MYH9: variants seen among roughly 807,000 people sequenced by gnomAD.
The protein encoded by MYH9 is myosin-9.
A neutral mutation model predicts 241.9 loss-of-function variants in MYH9; 29 were observed. The observed-to-expected ratio is 0.12, with a 90% confidence interval of 0.09 to 0.16. The LOEUF is 0.16. Ranked by LOEUF, MYH9 falls within the 10% of genes least tolerant of loss-of-function variation. The pLI is 1.00. For synonymous variants in MYH9, 1,047 were observed against 1,062.6 expected (o/e 0.99, Z 0.29); for missense variants, 1,803 against 2,595.5 (o/e 0.69, Z 6.63).
rs145241551 is a variant in MYH9, at chr22:36,306,048, C to T, written c.2041G>A (p.Gly681Ser). 2.1e-5 allele frequency: 34 copies of T among 1,613,042 alleles called. No individual in the cohort carries two copies. In the Middle Eastern group the frequency reaches 4.9e-4, roughly 23 times the overall value. The change falls in exon 17 of 41, where the codon GGC becomes AGC. Residue 681 changes from glycine to serine, a missense_variant. Gly to Ser is a moderately conservative substitution (Grantham distance 56). Coordinates refer to ENST00000216181, the MANE Select transcript of MYH9 (RefSeq NM_002473.6). This position sits in a 1 kb window ranked among gnomAD's most constrained non-coding sequence, Gnocchi z 4.1. Reference sequence around the variant, plus strand: ...AGCACGAGATGCGGGTCCAGCTTGCCGGCCTGGAGAAGAAAACACATGCAT... The same window carrying T: ...AGCACGAGATGCGGGTCCAGCTTGCTGGCCTGGAGAAGAAAACACATGCAT... ...CIIPNHEKKAGKLDPHLVLDQ... is the reference protein window; with the variant it reads ...CIIPNHEKKASKLDPHLVLDQ...
At position 36,285,553 on chromosome 22, in the gene MYH9, G is replaced by A; in HGVS notation, c.5274+105C>T. ...TGGACATTTTCCCCTAAGCGCCTGG[G>A]GAGCAGCTGGCACTTGGCCTGTGCT... On this transcript the variant is annotated intron_variant, in intron 37 of 40. Transcript: ENST00000216181. This position sits in a 1 kb window ranked among gnomAD's most constrained non-coding sequence, Gnocchi z 7.0. 5 of 1,554,064 alleles carry A rather than the reference G, an allele frequency of 3.2e-6. No individual in the cohort carries two copies. In the South Asian group the frequency reaches 4.6e-5, roughly 14 times the overall value.
chr22:36,375,034 G>A (rs1351175053), intron 1 of MYH9, among the ~76,000 whole-genome samples: 1 of 152,134 alleles, frequency 6.6e-6, no homozygotes, highest in African/African-American at 2.4e-5. Flanking sequence ...GAGACCATCA[G>A]CTCCCAGAAA....
chr22:36,336,932 C>A (rs1173806097), intron 3 of MYH9, among the ~76,000 whole-genome samples: 1 of 152,214 alleles, frequency 6.6e-6, no homozygotes, highest in Non-Finnish European at 1.5e-5. Context: ...ATTCTGGCAC[C>A]TTCTGTCACC....
intron 38 of MYH9, 29 bp from the exon 39 acceptor site, chr22:36,284,540 GA>G (rs1556629021): frequency 1.2e-6 from 2 of 1,603,862 alleles, no homozygotes; most frequent in African/African-American, 1.3e-5. Flanking sequence ...GGCTCAGAGG[GA>G]ACACCCTCCT....
Position 36,386,729 on chromosome 22 carries a change from G to C in MYH9, c.-20+1078C>G, listed in dbSNP as rs532398322. On this transcript the variant is annotated intron_variant, in intron 1 of 40. Transcript: ENST00000216181. Reference sequence around the variant, plus strand: ...CCCTGCCCCCCACCACAGGACAGCCGGCAAGCTAGTGCTGGGGGTGCTGAG... The same window carrying C: ...CCCTGCCCCCCACCACAGGACAGCCCGCAAGCTAGTGCTGGGGGTGCTGAG... 5.9e-3 allele frequency among the ~76,000 whole-genome samples: 891 copies of C among 152,280 alleles called. 3 individuals carry two copies. The highest frequency in any genetic ancestry group is 0.015 in the South Asian group (72 of 4,816).
In MYH9 at chr22:36,288,135, C is replaced by A. The variant is rs2016619592; in HGVS notation, c.4932+117G>T. On this transcript the variant is annotated intron_variant, in intron 34 of 40. Transcript: ENST00000216181. The surrounding 1 kb of genome is among the most constrained non-coding windows in gnomAD (Gnocchi z 4.8). Reference sequence around the variant, plus strand: ...AGATGGGGCTGGAAGCACCCAGGACCTTCCCAGGAGGTGCCACCCTGCCAG... The same window carrying A: ...AGATGGGGCTGGAAGCACCCAGGACATTCCCAGGAGGTGCCACCCTGCCAG... 7.7e-7 allele frequency: 1 copy of A among 1,297,862 alleles called. No homozygotes were observed. Among genetic ancestry groups the A allele is most frequent in the Non-Finnish European group, 1.1e-6 (1 of 913,040 alleles). 80.4% of individuals were successfully genotyped at this position (1,297,862 alleles called of 1,614,324 possible).
intron 27 of MYH9, 73 bp from the exon 28 acceptor site, chr22:36,294,371 C>T: frequency 6.6e-7 from 1 of 1,507,542 alleles, no homozygotes; most frequent in Non-Finnish European, 9.1e-7. Context: ...CATCACTGGA[C>T]CCTAGATCCA....
At position 36,333,294 on chromosome 22, in the gene MYH9, G is replaced by A. The variant is rs909177710; in HGVS notation, c.491-5806C>T. Among the ~76,000 whole-genome samples, 11 of 152,230 alleles carry A rather than the reference G, an allele frequency of 7.2e-5. 1 individual carries two copies. Among genetic ancestry groups the A allele is most frequent in the Admixed American group, 3.9e-4 (6 of 15,288 alleles). ...TAACAGCGCATGAACACGTTGCCTCGGAGGAGCGGTCGGTAGAAGGAAAGG... is the reference window on the plus strand; with the variant it reads ...TAACAGCGCATGAACACGTTGCCTCAGAGGAGCGGTCGGTAGAAGGAAAGG... On this transcript the variant is annotated intron_variant, in intron 3 of 40. Coordinates refer to ENST00000216181, the MANE Select transcript of MYH9 (RefSeq NM_002473.6).
chr22:36,367,071 G>A (rs1032297187), intron 1 of MYH9, among the ~76,000 whole-genome samples: 7 of 152,278 alleles, frequency 4.6e-5, no homozygotes, highest in Admixed American at 2.0e-4. Flanking sequence ...TCTGCAGTGC[G>A]GTCCATGGAC....
chr22:36,326,432 G>C (rs1433325702), intron 5 of MYH9, 136 bp downstream of exon 5: 5 of 882,698 alleles, frequency 5.7e-6, no homozygotes, highest in Non-Finnish European at 7.6e-6. Context: ...TGCCTCAATG[G>C]AAATGGGCCC....
At chr22:36,302,429 C>A in intron 20 of MYH9, 139 bp downstream of exon 20, 3 of 708,648 alleles carry the variant, frequency 4.2e-6, no homozygotes, top group South Asian at 3.0e-5. Flanking sequence ...AGGAGGATTG[C>A]TGGAGCCCAA....
chr22:36,316,335 A>T (rs1467687063), intron 12 of MYH9, among the ~76,000 whole-genome samples, 182 bp downstream of exon 12: 1 of 147,862 alleles, frequency 6.8e-6, no homozygotes, highest in Non-Finnish European at 1.5e-5. Flanking sequence ...TGCCCAGCCG[A>T]GACCCTATCT....
chr22:36,336,573 G>C (rs1180271015), intron 3 of MYH9, among the ~76,000 whole-genome samples: 1 of 152,216 alleles, frequency 6.6e-6, no homozygotes, highest in Non-Finnish European at 1.5e-5. Context: ...CAATCCCCAA[G>C]GCAGGAAGAC....
At chr22:36,385,556 G>A (rs905481231) in intron 1 of MYH9, among the ~76,000 whole-genome samples, 1 of 152,052 alleles carries the variant, frequency 6.6e-6, no homozygotes, top group African/African-American at 2.4e-5. Context: ...AACCCCTTAG[G>A]TTAAAAAGTT....
At position 36,288,283 on chromosome 22, in the gene MYH9, T is replaced by C. The variant is rs1569534790; in HGVS notation, c.4901A>G (p.Asp1634Gly). 1 of 1,614,128 alleles carries C rather than the reference T, an allele frequency of 6.2e-7. No individual in the cohort carries two copies. The highest frequency in any genetic ancestry group is 8.5e-7 in the Non-Finnish European group (1 of 1,180,020). The change falls in exon 34 of 41, where the codon GAC becomes GGC. Residue 1634 changes from aspartate (D) to glycine (G), a missense_variant. By Grantham distance (94) the Asp-to-Gly change is moderately conservative (BLOSUM62 -1). Transcript: ENST00000216181. The surrounding 1 kb of genome is among the most constrained non-coding windows in gnomAD (Gnocchi z 4.8). The part of the protein sequence containing the change: ...AHIDSANKNR[D>G]EAIKQLRKLQ... ...CTTCCGCAGCTGTTTGATGGCTTCG[T>C]CCCGGTTCTTGTTGGCCGAGTCGAT...
intron 3 of MYH9, among the ~76,000 whole-genome samples, chr22:36,334,921 T>C: frequency 6.6e-6 from 1 of 152,154 alleles, no homozygotes; most frequent in Non-Finnish European, 1.5e-5. Context: ...AGATTCCTGC[T>C]CTGTCTAGTC....
Position 36,288,080 on chromosome 22 carries a change from C to G in MYH9, c.4932+172G>C, listed in dbSNP as rs2016618660. On this transcript the variant is annotated intron_variant, in intron 34 of 40. Coordinates refer to ENST00000216181, the MANE Select transcript of MYH9 (RefSeq NM_002473.6). This position sits in a 1 kb window ranked among gnomAD's most constrained non-coding sequence, Gnocchi z 4.8. ...GCTGTTGGACTATCATGTTTCCACTCACCTCTGAGCCTCTGAGTCTCTGTC... is the reference window on the plus strand; with the variant it reads ...GCTGTTGGACTATCATGTTTCCACTGACCTCTGAGCCTCTGAGTCTCTGTC... Among the ~76,000 whole-genome samples, 1 of 152,226 alleles carries G rather than the reference C, an allele frequency of 6.6e-6. No individual in the cohort carries two copies. The highest frequency in any genetic ancestry group is 1.5e-5 in the Non-Finnish European group (1 of 68,034).
At chr22:36,363,750 C>CAG (rs1240194590) in intron 1 of MYH9, among the ~76,000 whole-genome samples, 1 of 152,150 alleles carries the variant, frequency 6.6e-6, no homozygotes, top group African/African-American at 2.4e-5. Flanking sequence ...TAGTGAGGGG[C>CAG]AGATGATCCC....
chr22:36,372,765 C>T (rs1569537087), intron 1 of MYH9, among the ~76,000 whole-genome samples: 1 of 152,058 alleles, frequency 6.6e-6, no homozygotes, highest in African/African-American at 2.4e-5. Context: ...TTCGTGCCCT[C>T]GGTGGGGTGG....
Sources: gnomAD v4.1 joint callset for allele counts (sites outside exome capture counted in the v4.1 genomes callset) on GRCh38, gnomAD v4.1.1 for gene constraint, Gnocchi (gnomAD v3.1) non-coding constraint, MANE v1.5 for transcripts, NCBI Gene and HGNC (gene_info 2026-07-23, HGNC 2026-07-21) for gene names.